Variants in DYSF observed in about 807,000 individuals in gnomAD.
DYSF encodes dystrophy-associated fer-1-like 1.
A neutral mutation model predicts 274.9 loss-of-function variants in DYSF; 212 were observed. The observed-to-expected ratio is 0.77, with a 90% CI of 0.69 to 0.86. The LOEUF (loss-of-function observed/expected upper bound fraction) is 0.86. Ranked by LOEUF, DYSF falls within the 40% of genes least tolerant of loss-of-function variation. DYSF has a pLI of 0.00. For synonymous variants in DYSF, 1,091 were observed against 1,078.7 expected, an observed-to-expected ratio of 1.01 and a Z score of -0.22; for missense variants, 2,666 against 2,783.2, an observed-to-expected ratio of 0.96 and a Z score of 0.95.
At chr2:71,614,809 ACTGTCTGTATGGAT>A in intron 40 of DYSF, among the ~76,000 whole-genome samples, 1 of 152,152 alleles carries the variant, frequency 6.6e-6, no homozygotes, top group East Asian at 1.9e-4. Context: ...TTTTCTGGCT[ACTGTCTGTATGGAT>A]CTGAGGAGGA....
intron 30 of DYSF, among the ~76,000 whole-genome samples, chr2:71,586,662 G>C (rs2093076833): frequency 6.6e-6 from 1 of 152,134 alleles, no homozygotes; most frequent in Non-Finnish European, 1.5e-5. Flanking sequence ...CTCAGACAGA[G>C]GCCTTGGGAG....
chr2:71,530,212 C>T (rs1371715354), intron 14 of DYSF, among the ~76,000 whole-genome samples: 2 of 152,148 alleles, frequency 1.3e-5, no homozygotes, highest in African/African-American at 2.4e-5. Context: ...TGCGGCTGTA[C>T]GTTTTTGTGG....
chr2:71,525,973 A>G (rs2087845438), intron 12 of DYSF, among the ~76,000 whole-genome samples: 1 of 152,218 alleles, frequency 6.6e-6, no homozygotes, highest in Non-Finnish European at 1.5e-5. Context: ...GTGCATTTAC[A>G]TCATTACTGG....
At chr2:71,636,355 C>T (rs1242878092) in intron 41 of DYSF, among the ~76,000 whole-genome samples, 5 of 152,058 alleles carry the variant, frequency 3.3e-5, no homozygotes, top group Non-Finnish European at 7.4e-5. Context: ...AGTCATCCCA[C>T]ATGGGATGAT....
At chr2:71,589,992 C>T (rs894698232) in intron 31 of DYSF, among the ~76,000 whole-genome samples, 1 of 152,186 alleles carries the variant, frequency 6.6e-6, no homozygotes, top group African/African-American at 2.4e-5. Flanking sequence ...TCTCTTCTCC[C>T]CAGCCCTAGG....
intron 41 of DYSF, among the ~76,000 whole-genome samples, chr2:71,622,089 T>C (rs56336010): frequency 0.023 from 3,466 of 151,936 alleles, 65 homozygotes; most frequent in Middle Eastern, 0.065. Flanking sequence ...AAAGGACTTA[T>C]TTTAGTTCAC....
chr2:71,515,981 C>G (rs972409215), intron 8 of DYSF, among the ~76,000 whole-genome samples, 199 bp from the exon 9 acceptor site: 1 of 152,190 alleles, frequency 6.6e-6, no homozygotes, highest in Non-Finnish European at 1.5e-5. Flanking sequence ...GCCACCCACC[C>G]AACCCTGAAA....
At chr2:71,572,085 C>T (rs796647789) in intron 29 of DYSF, among the ~76,000 whole-genome samples, 6 of 99,694 alleles carry the variant, frequency 6.0e-5, no homozygotes, top group African/African-American at 2.8e-4. Flanking sequence ...CCCAGCACAC[C>T]CACAGATCAT....
At chr2:71,659,061 C>T (rs369284646) in intron 44 of DYSF, 28 bp downstream of exon 44, 93 of 1,613,860 alleles carry the variant, frequency 5.8e-5, no homozygotes, top group Non-Finnish European at 7.2e-5. Context: ...CTCACCTCCC[C>T]CAGAGTAGCA....
intron 40 of DYSF, among the ~76,000 whole-genome samples, chr2:71,620,271 A>G (rs1243740752): frequency 6.6e-6 from 1 of 152,186 alleles, no homozygotes; most frequent in East Asian, 1.9e-4. Context: ...GGGCGTGCAC[A>G]GCCTTCGTCT....
At chr2:71,597,690 G>A (rs2093439165) in intron 32 of DYSF, among the ~76,000 whole-genome samples, 1 of 152,134 alleles carries the variant, frequency 6.6e-6, no homozygotes, top group Non-Finnish European at 1.5e-5. Context: ...GTTGTGGCTG[G>A]GTCCCAGGGT....
intron 1 of DYSF, among the ~76,000 whole-genome samples, chr2:71,455,284 T>C (rs1196803532): frequency 6.6e-6 from 1 of 152,114 alleles, no homozygotes; most frequent in African/African-American, 2.4e-5. Context: ...TTCTCTTGGG[T>C]ATGAGATTCA....
intron 36 of DYSF, among the ~76,000 whole-genome samples, chr2:71,604,263 A>G (rs973840201): frequency 3.3e-5 from 5 of 152,108 alleles, no homozygotes; most frequent in Non-Finnish European, 7.4e-5. Flanking sequence ...CTTGAAGGCT[A>G]AGCCTGATGC....
In DYSF at chr2:71,564,057, G is replaced by A; in HGVS notation, c.2410-1G>A. On this transcript the variant is annotated splice_acceptor_variant, in intron 23 of 55. Transcript: ENST00000410020. LOFTEE classifies it high-confidence loss of function. ...CACCCCGACCACCACCCTCTGTTCAGCCCCAGAACAGCCTGCCGGACATCG... is the reference window on the plus strand; with the variant it reads ...CACCCCGACCACCACCCTCTGTTCAACCCCAGAACAGCCTGCCGGACATCG... The A allele has an allele frequency of 6.2e-7, 1 of 1,614,040 alleles. No homozygotes were observed. Among genetic ancestry groups the A allele is most frequent in the Non-Finnish European group, 8.5e-7 (1 of 1,179,964 alleles).
At chr2:71,630,838 T>C (rs1358522503) in intron 41 of DYSF, among the ~76,000 whole-genome samples, 1 of 152,216 alleles carries the variant, frequency 6.6e-6, no homozygotes, top group Admixed American at 6.5e-5. Flanking sequence ...TACTCCTTAC[T>C]CCTGTTTGCC....
intron 36 of DYSF, among the ~76,000 whole-genome samples, chr2:71,609,339 A>G (rs2093705539): frequency 6.6e-6 from 1 of 152,150 alleles, no homozygotes; most frequent in African/African-American, 2.4e-5. Flanking sequence ...GGAAAATGAT[A>G]AGTTTTTTTG....
intron 33 of DYSF, 98 bp downstream of exon 33, chr2:71,598,843 C>A: frequency 7.3e-7 from 1 of 1,375,738 alleles, no homozygotes; most frequent in Non-Finnish European, 1.0e-6. Context: ...CAGATGGGTG[C>A]TCTCCTAACT....
Position 71,644,000 on chromosome 2 carries a change from T to A in DYSF, c.4563T>A (p.Phe1521Leu). 6.2e-7 allele frequency: 1 copy of A among 1,612,464 alleles called. No homozygotes were observed. Among genetic ancestry groups the A allele is most frequent in the East Asian group, 2.2e-5 (1 of 44,876 alleles). The change falls in exon 42 of 56, where the codon TTT becomes TTA. Residue 1521 changes from phenylalanine to leucine, a missense_variant. Around this residue, in one of 3 missense-constraint regions of DYSF, gnomAD observed 1,460 missense variants for 1,502.1 expected, o/e 0.97. Transcript: ENST00000410020. ...EEFIDWWSKF[F>L]ASIGEREKCG... Reference sequence around the variant, plus strand: ...TCATCGATTGGTGGAGCAAATTCTTTGCCTCCATAGGGGAGAGGGAAAAGT... The same window carrying A: ...TCATCGATTGGTGGAGCAAATTCTTAGCCTCCATAGGGGAGAGGGAAAAGT...
intron 2 of DYSF, among the ~76,000 whole-genome samples, chr2:71,481,504 G>A (rs1279064164): frequency 6.6e-6 from 1 of 152,246 alleles, no homozygotes; most frequent in African/African-American, 2.4e-5. Context: ...GTCTGGATGA[G>A]CCCAATAATC....
Sources: allele counts gnomAD v4.1 joint callset (sites outside exome capture counted in the v4.1 genomes callset), GRCh38; gene constraint gnomAD v4.1.1; regional missense constraint gnomAD v4.1.1; transcripts MANE v1.5; gene names NCBI Gene and HGNC (gene_info 2026-07-23, HGNC 2026-07-21).